Variants in CACNA2D3 observed in about 807,000 individuals in gnomAD.
CACNA2D3 encodes voltage-dependent calcium channel subunit alpha-2/delta-3.
CACNA2D3 carries 60 observed loss-of-function variants against 160.6 expected under a neutral mutation model. That is an observed-to-expected ratio of 0.37 (90% CI 0.30 to 0.46). CACNA2D3 has a LOEUF of 0.46. Ranked by LOEUF, CACNA2D3 falls within the 20% of genes least tolerant of loss-of-function variation. The pLI, the probability that CACNA2D3 is intolerant of heterozygous loss-of-function variation, is 1.00. For synonymous variants in CACNA2D3, 558 were observed against 492.9 expected, an observed-to-expected ratio of 1.13 and a Z score of -1.75; for missense variants, 1,205 against 1,365.0, an observed-to-expected ratio of 0.88 and a Z score of 1.85.
chr3:54,634,224 C>A (rs77614113), intron 10 of CACNA2D3, among the ~76,000 whole-genome samples: 1,890 of 152,266 alleles, frequency 0.012, 31 homozygotes, highest in African/African-American at 0.042. Flanking sequence ...TAGATTGAAC[C>A]TGCCAGGCAC....
intron 11 of CACNA2D3, among the ~76,000 whole-genome samples, chr3:54,667,510 C>A (rs930754615): frequency 6.6e-6 from 1 of 152,204 alleles, no homozygotes; most frequent in African/African-American, 2.4e-5. Context: ...AATATCCCTA[C>A]CATCACTCAA....
intron 27 of CACNA2D3, among the ~76,000 whole-genome samples, chr3:54,948,955 A>T (rs1701685803): frequency 6.6e-6 from 1 of 152,256 alleles, no homozygotes; most frequent in Non-Finnish European, 1.5e-5. Context: ...TAAAAAGTCC[A>T]TAGTTATAAC....
intron 21 of CACNA2D3, 26 bp from the exon 22 acceptor site, chr3:54,885,255 A>G (rs750999895): frequency 2.5e-6 from 4 of 1,613,324 alleles, no homozygotes; most frequent in Non-Finnish European, 3.4e-6. Flanking sequence ...ATACTTATTC[A>G]TGAACCCCTT....
At chr3:55,065,964 C>G (rs1177251976) in intron 35 of CACNA2D3, among the ~76,000 whole-genome samples, 1 of 152,172 alleles carries the variant, frequency 6.6e-6, no homozygotes, top group Non-Finnish European at 1.5e-5. Flanking sequence ...TATTTCTCTT[C>G]CTGTCCACCT....
At chr3:54,352,559 C>T (rs1310687709) in intron 3 of CACNA2D3, among the ~76,000 whole-genome samples, 1 of 152,210 alleles carries the variant, frequency 6.6e-6, no homozygotes, top group Non-Finnish European at 1.5e-5. Context: ...ACAGCAGCAG[C>T]TCCTGAGGTT....
intron 5 of CACNA2D3, among the ~76,000 whole-genome samples, chr3:54,522,604 C>T (rs995084458): frequency 6.6e-6 from 1 of 152,132 alleles, no homozygotes; most frequent in South Asian, 2.1e-4. Flanking sequence ...GTTCCAGAGA[C>T]TGGGAAGTCC....
At chr3:54,664,791 G>A (rs1700034019) in intron 11 of CACNA2D3, among the ~76,000 whole-genome samples, 1 of 152,196 alleles carries the variant, frequency 6.6e-6, no homozygotes, top group South Asian at 2.1e-4. Context: ...AAGTAAGCAA[G>A]GTTGCAGGAG....
chr3:55,071,608 A>G (rs959643959), intron 35 of CACNA2D3, among the ~76,000 whole-genome samples: 5 of 152,136 alleles, frequency 3.3e-5, no homozygotes, highest in African/African-American at 1.2e-4. Context: ...AACTGGTTTT[A>G]TTCTCATTCT....
intron 17 of CACNA2D3, among the ~76,000 whole-genome samples, chr3:54,863,444 C>T (rs151088627): frequency 0.013 from 1,946 of 152,258 alleles, 39 homozygotes; most frequent in African/African-American, 0.043. Flanking sequence ...TTCTCTGTCC[C>T]ATTGCCGGCA....
At position 54,596,995 on chromosome 3, in the gene CACNA2D3, T is replaced by C. The variant is rs1013856598; in HGVS notation, c.963+15118T>C. ...ACAGGCCAGCATCTCATGGACAACA[T>C]TGTGGTCACCACTGTCTCCACGGCA... On this transcript the variant is annotated intron_variant, in intron 9 of 37. Transcript: ENST00000474759. Among the ~76,000 whole-genome samples the C allele has an allele frequency of 3.0e-4, 46 of 150,824 alleles. 1 individual carries two copies. Among genetic ancestry groups the C allele is most frequent in the African/African-American group, 8.9e-4 (36 of 40,230 alleles).
At chr3:54,223,383 G>GT (rs1701609412) in intron 2 of CACNA2D3, among the ~76,000 whole-genome samples, 1 of 152,058 alleles carries the variant, frequency 6.6e-6, no homozygotes, top group African/African-American at 2.4e-5. Flanking sequence ...TGTAAATGTA[G>GT]GAAAGGTACT....
intron 2 of CACNA2D3, among the ~76,000 whole-genome samples, chr3:54,178,552 G>A (rs781368197): frequency 3.6e-4 from 55 of 152,192 alleles, no homozygotes; most frequent in Admixed American, 1.2e-3. Flanking sequence ...GAGTGGCATC[G>A]TCACCAACTG....
intron 4 of CACNA2D3, among the ~76,000 whole-genome samples, chr3:54,401,835 A>G (rs1699471561): frequency 6.6e-6 from 1 of 152,226 alleles, no homozygotes; most frequent in Non-Finnish European, 1.5e-5. Flanking sequence ...GGTAAAGGTC[A>G]AGTCCAGAAT....
At chr3:54,325,276 G>C (rs1201107948) in intron 3 of CACNA2D3, among the ~76,000 whole-genome samples, 1 of 152,160 alleles carries the variant, frequency 6.6e-6, no homozygotes, top group Non-Finnish European at 1.5e-5. Context: ...CACAGCCAAG[G>C]GGGTGTCATG....
At chr3:55,053,983 C>T (rs941291332) in intron 35 of CACNA2D3, among the ~76,000 whole-genome samples, 1 of 151,044 alleles carries the variant, frequency 6.6e-6, no homozygotes, top group African/African-American at 2.5e-5. Flanking sequence ...TCTTTTTTTT[C>T]TGTCTTTTAT....
intron 4 of CACNA2D3, among the ~76,000 whole-genome samples, chr3:54,413,685 A>T (rs1167991527): frequency 1.3e-5 from 2 of 151,214 alleles, no homozygotes. Flanking sequence ...CTTCCATTAA[A>T]ATCATTTAGT....
At chr3:54,736,142 C>CATACATATATATATGTATATATATATAT (rs1559563872) in intron 11 of CACNA2D3, among the ~76,000 whole-genome samples, 3 of 69,140 alleles carry the variant, frequency 4.3e-5, no homozygotes, top group African/African-American at 5.3e-5. Flanking sequence ...TATATATATA[C>CATACATATATATATGTATATATATATAT]ACACACACAC....
At chr3:54,541,718 T>C (rs986396455) in intron 5 of CACNA2D3, among the ~76,000 whole-genome samples, 1 of 152,142 alleles carries the variant, frequency 6.6e-6, no homozygotes, top group Non-Finnish European at 1.5e-5. Flanking sequence ...AGAAAGATCA[T>C]GAAGGATGAA....
intron 27 of CACNA2D3, among the ~76,000 whole-genome samples, chr3:54,933,051 C>CCCTTCCTTCCTTCCTTCCTT (rs60554563): frequency 1.4e-5 from 2 of 139,446 alleles, no homozygotes; most frequent in South Asian, 2.5e-4. Flanking sequence ...ATCCATCCCT[C>CCCTTCCTTCCTTCCTTCCTT]CCTTCCTTCC....
Sources: allele counts gnomAD v4.1 joint callset (sites outside exome capture counted in the v4.1 genomes callset), GRCh38; gene constraint gnomAD v4.1.1; transcripts MANE v1.5; gene names NCBI Gene and HGNC (gene_info 2026-07-23, HGNC 2026-07-21).